IMPA1: variants seen among roughly 807,000 people sequenced by gnomAD.
The protein encoded by IMPA1 is D-galactose 1-phosphate phosphatase.
A neutral mutation model predicts 34.9 loss-of-function variants in IMPA1; 21 were observed. That is an observed-to-expected ratio of 0.60 (90% CI 0.43 to 0.87). IMPA1 has a LOEUF of 0.87. Among genes scored for constraint, IMPA1 ranks in the 40% least tolerant of loss-of-function variants. The probability of loss-of-function intolerance (pLI) is 0.00; values close to 1 mark genes in which losing one functional copy is unlikely to be tolerated. For missense variants in IMPA1, 299 were observed against 336.4 expected (o/e 0.89, Z 0.87); for synonymous variants, 95 against 104.4 (o/e 0.91, Z 0.55).
In IMPA1 at chr8:81,658,609, T is replaced by G. The variant is rs1293713696; in HGVS notation, c.*742A>C. The G allele has an allele frequency of 6.6e-6, 1 of 152,596 alleles. No individual in the cohort carries two copies. Among genetic ancestry groups the G allele is most frequent in the Non-Finnish European group, 1.5e-5 (1 of 68,008 alleles). The allele number at this position is 152,596 out of a possible 1,614,324, so 9.5% of individuals were successfully genotyped here. ...CAGACAATTTAACTGTTTTGGAAAA[T>G]GTATTCACTGCAGAAATGCCCACAA... On this transcript the variant is annotated 3_prime_UTR_variant, in exon 9 of 9. Transcript: ENST00000256108.
At chr8:81,668,066 A>G (rs1267686686) in intron 7 of IMPA1, among the ~76,000 whole-genome samples, 3 of 152,042 alleles carry the variant, frequency 2.0e-5, no homozygotes, top group Non-Finnish European at 2.9e-5. Context: ...CTCGTGATCC[A>G]CCTGCCTCAG....
At chr8:81,675,256 AC>A (rs1287844200) in intron 5 of IMPA1, among the ~76,000 whole-genome samples, 1 of 87,832 alleles carries the variant, frequency 1.1e-5, no homozygotes, top group African/African-American at 4.3e-5. Context: ...CCACCCCCCC[AC>A]CCCCGCCAAT....
At chr8:81,659,726 T>G (rs1174574992) in intron 8 of IMPA1, among the ~76,000 whole-genome samples, 1 of 152,308 alleles carries the variant, frequency 6.6e-6, no homozygotes, top group East Asian at 1.9e-4. Context: ...TCTTATTACC[T>G]CTTTATTGTT....
intron 1 of IMPA1, chr8:81,685,723 C>T (rs1379698008): frequency 1.0e-5 from 12 of 1,182,504 alleles, no homozygotes; most frequent in Non-Finnish European, 1.4e-5. Context: ...ATATAAATCA[C>T]AGTACATTTA....
At chr8:81,673,184 A>C (rs1807038503) in intron 6 of IMPA1, among the ~76,000 whole-genome samples, 1 of 152,172 alleles carries the variant, frequency 6.6e-6, no homozygotes, top group African/African-American at 2.4e-5. Flanking sequence ...GCTTATCTTC[A>C]CAGGTGTGGG....
chr8:81,684,114 T>TATACACACAC (rs1554586729), intron 1 of IMPA1, among the ~76,000 whole-genome samples: 2 of 139,748 alleles, frequency 1.4e-5, no homozygotes, highest in East Asian at 4.3e-4. Context: ...TATATATATA[T>TATACACACAC]ACACACACAC....
At chr8:81,682,233 T>TA (rs1283721328) in intron 1 of IMPA1, among the ~76,000 whole-genome samples, 8 of 152,230 alleles carry the variant, frequency 5.3e-5, no homozygotes, top group African/African-American at 1.9e-4. Context: ...ATTTGTGTTC[T>TA]AAACTGTCCA....
chr8:81,662,707 A>C (rs972656985), intron 7 of IMPA1, among the ~76,000 whole-genome samples: 2 of 152,228 alleles, frequency 1.3e-5, no homozygotes, highest in African/African-American at 4.8e-5. Flanking sequence ...AAATGTACTA[A>C]TGACTACAGC....
chr8:81,679,079 C>T, intron 4 of IMPA1, 47 bp downstream of exon 4: 1 of 1,223,690 alleles, frequency 8.2e-7, no homozygotes, highest in Admixed American at 1.7e-5. Context: ...ATAGGTCAAT[C>T]CAGTTAATAT....
chr8:81,660,827 T>C (rs1454612803), intron 7 of IMPA1, among the ~76,000 whole-genome samples, 160 bp from the exon 8 acceptor site: 2 of 152,148 alleles, frequency 1.3e-5, no homozygotes, highest in Admixed American at 6.6e-5. Context: ...AAAATATGTA[T>C]AAATCTAATT....
chr8:81,676,396 C>T, intron 4 of IMPA1, 117 bp from the exon 5 acceptor site: 1 of 482,568 alleles, frequency 2.1e-6, no homozygotes, highest in Non-Finnish European at 3.7e-6. Flanking sequence ...AGTCTCATCT[C>T]CACTCCCCAC....
At chr8:81,665,060 G>A (rs777647577) in intron 7 of IMPA1, among the ~76,000 whole-genome samples, 47 of 152,040 alleles carry the variant, frequency 3.1e-4, no homozygotes, top group African/African-American at 4.1e-4. Context: ...ATCACAAAAC[G>A]AAGTGAAAAT....
chr8:81,676,080 G>A (rs1807122373), intron 5 of IMPA1, among the ~76,000 whole-genome samples, 154 bp downstream of exon 5: 1 of 152,082 alleles, frequency 6.6e-6, no homozygotes, highest in Non-Finnish European at 1.5e-5. Context: ...AATGTATCAT[G>A]AAAATTTTAA....
chr8:81,659,091 G>T lies in IMPA1; in HGVS notation c.*260C>A. ...AAATTGCTAATTGACTATTTCAGTT[G>T]ATGTTATATTTATCAACTGTACTTC... On this transcript the variant is annotated 3_prime_UTR_variant, in exon 9 of 9. Coordinates refer to ENST00000256108, the MANE Select transcript of IMPA1 (RefSeq NM_005536.4). 1 of 432,696 alleles carries T rather than the reference G, an allele frequency of 2.3e-6. No individual in the cohort carries two copies. The highest frequency in any genetic ancestry group is 4.1e-6 in the Non-Finnish European group (1 of 244,472). 26.8% of individuals were successfully genotyped at this position (432,696 alleles called of 1,614,324 possible). A position where few individuals can be genotyped will look rare whatever the true frequency, so the allele number is the denominator to read the frequency against.
rs557151871 is a variant in IMPA1 at position 81,659,049 on chromosome 8, A to G, written c.*302T>C. 2.9e-6 allele frequency: 1 copy of G among 348,580 alleles called. No homozygotes were observed. Among genetic ancestry groups the G allele is most frequent in the Admixed American group, 4.8e-5 (1 of 20,790 alleles). The allele number at this position is 348,580 out of a possible 1,614,324, so 21.6% of individuals were successfully genotyped here. A position where few individuals can be genotyped will look rare whatever the true frequency, so the allele number is the denominator to read the frequency against. ...CTAAGTCAAAATTTCAGGGGACCAT[A>G]GATATTTAGAAACACAAAATTGCTA... On this transcript the variant is annotated 3_prime_UTR_variant, in exon 9 of 9. Transcript: ENST00000256108.
chr8:81,667,365 C>T (rs1270894131), intron 7 of IMPA1, among the ~76,000 whole-genome samples: 3 of 152,098 alleles, frequency 2.0e-5, no homozygotes, highest in African/African-American at 7.2e-5. Context: ...GAATGTTTGT[C>T]CCCTCCAAAA....
chr8:81,677,671 G>C (rs1038196795), intron 4 of IMPA1, among the ~76,000 whole-genome samples: 1 of 152,156 alleles, frequency 6.6e-6, no homozygotes, highest in South Asian at 2.1e-4. Context: ...AAATATGTAA[G>C]AAAGTTTTTA....
At chr8:81,678,263 C>T (rs1445727934) in intron 4 of IMPA1, among the ~76,000 whole-genome samples, 4 of 151,928 alleles carry the variant, frequency 2.6e-5, no homozygotes, top group African/African-American at 9.7e-5. Context: ...CACTTTTTAA[C>T]CGTGTTTTTT....
chr8:81,680,690 T>C lies in IMPA1; in HGVS notation c.157A>G (p.Met53Val). 1.9e-6 allele frequency: 3 copies of C among 1,612,680 alleles called. No homozygotes were observed. The highest frequency in any genetic ancestry group is 2.5e-6 in the Non-Finnish European group (3 of 1,179,018). The part of the protein sequence containing the change: ...VTATDQKVEK[M>V]LISSIKEKYP... ...TTTTCCTTTATGGAAGAGATAAGCATTTTTTCAACTTTTTGGTCCGTAGCA... is the reference window on the plus strand; with the variant it reads ...TTTTCCTTTATGGAAGAGATAAGCACTTTTTCAACTTTTTGGTCCGTAGCA... Residue 53 changes from methionine to valine, a missense_variant, in exon 3 of 9, where the codon ATG becomes GTG. Coordinates refer to ENST00000256108, the MANE Select transcript of IMPA1 (RefSeq NM_005536.4).
Sources: allele counts gnomAD v4.1 joint callset (sites outside exome capture counted in the v4.1 genomes callset), GRCh38; gene constraint gnomAD v4.1.1; transcripts MANE v1.5; gene names NCBI Gene and HGNC (gene_info 2026-07-23, HGNC 2026-07-21).